Variants in CHRDL1 observed in about 807,000 individuals in gnomAD.
CHRDL1 encodes chordin-like protein 1.
In CHRDL1, 19 loss-of-function variants were observed where a neutral mutation model predicts 40.9. That is an observed-to-expected ratio of 0.46 (90% CI 0.32 to 0.68). CHRDL1 has a LOEUF of 0.68. Among genes scored for constraint, CHRDL1 ranks in the 30% least tolerant of loss-of-function variants. The pLI is 0.03. For synonymous variants in CHRDL1, 136 were observed against 123.4 expected, an observed-to-expected ratio of 1.10 and a Z score of -0.68; for missense variants, 329 against 352.1, an observed-to-expected ratio of 0.93 and a Z score of 0.53.
At position 110,714,981 on chromosome X, in the gene CHRDL1, T is replaced by C. The variant is rs112669069; in HGVS notation, c.541+4854A>G. 7.5e-3 allele frequency among the ~76,000 whole-genome samples: 836 copies of C among 111,755 alleles called. 3 individuals carry two copies. The highest frequency in any genetic ancestry group is 0.026 in the African/African-American group (804 of 30,743). ...CTTCAAAGGAGTTTCAACCACATTATATACAGCTGAAAGATGCAAAGAAAC... is the reference window on the plus strand; with the variant it reads ...CTTCAAAGGAGTTTCAACCACATTACATACAGCTGAAAGATGCAAAGAAAC... On this transcript the variant is annotated intron_variant, in intron 6 of 11. Coordinates refer to ENST00000372042, the MANE Select transcript of CHRDL1 (RefSeq NM_001143981.2).
At chrX:110,721,006 T>C in intron 5 of CHRDL1, among the ~76,000 whole-genome samples, 1 of 111,759 alleles carries the variant, frequency 8.9e-6, no homozygotes, top group East Asian at 2.8e-4. Flanking sequence ...TTGGAGTGAG[T>C]GGCCCTAGAT....
Position 110,705,316 on chromosome X carries a change from T to C in CHRDL1, c.542-4595A>G, listed in dbSNP as rs767564420. ...ATATATATATATATACACACACACATATATATATACACACATATATATACA... is the reference window on the plus strand; with the variant it reads ...ATATATATATATATACACACACACACATATATATACACACATATATATACA... On this transcript the variant is annotated intron_variant, in intron 6 of 11. Coordinates refer to ENST00000372042, the MANE Select transcript of CHRDL1 (RefSeq NM_001143981.2). Among the ~76,000 whole-genome samples the C allele has an allele frequency of 9.2e-3, 782 of 85,209 alleles. 8 individuals are homozygous for C. The highest frequency in any genetic ancestry group is 0.016 in the Middle Eastern group (3 of 184). 74.0% of individuals were successfully genotyped at this position (85,209 alleles called of 115,157 possible). A position where few individuals can be genotyped will look rare whatever the true frequency, so the allele number is the denominator to read the frequency against.
chrX:110,745,072 T>C (rs1037989997), intron 4 of CHRDL1, among the ~76,000 whole-genome samples: 1 of 110,936 alleles, frequency 9.0e-6, no homozygotes, highest in Non-Finnish European at 1.9e-5. Flanking sequence ...TTACATCAAG[T>C]GTGTGTAAAC....
At chrX:110,760,311 T>C (rs908479438) in intron 3 of CHRDL1, among the ~76,000 whole-genome samples, 2 of 112,372 alleles carry the variant, frequency 1.8e-5, no homozygotes, top group African/African-American at 6.5e-5. Context: ...GATTAGGTAG[T>C]ATGCCTGGGT....
At chrX:110,784,630 T>G (rs2089990124) in intron 2 of CHRDL1, among the ~76,000 whole-genome samples, 1 of 111,470 alleles carries the variant, frequency 9.0e-6, no homozygotes, top group Non-Finnish European at 1.9e-5. Flanking sequence ...GCCAGGCTGG[T>G]CTCCAACTCC....
At chrX:110,700,757 A>T in intron 6 of CHRDL1, 36 bp from the exon 7 acceptor site, 1 of 946,530 alleles carries the variant, frequency 1.1e-6, no homozygotes, top group Non-Finnish European at 1.5e-6. Flanking sequence ...AAAATCATAC[A>T]TTCATAAAAG....
intron 4 of CHRDL1, among the ~76,000 whole-genome samples, chrX:110,752,746 G>A (rs1387222371): frequency 1.8e-5 from 2 of 111,027 alleles, no homozygotes; most frequent in Non-Finnish European, 3.8e-5. Flanking sequence ...TACAGCTATT[G>A]TAGTCACCTT....
At chrX:110,771,317 T>G (rs2148518968) in intron 2 of CHRDL1, among the ~76,000 whole-genome samples, 1 of 111,676 alleles carries the variant, frequency 9.0e-6, no homozygotes, top group South Asian at 3.8e-4. Context: ...GAGGGAATAC[T>G]TCCCAACTGA....
intron 9 of CHRDL1, among the ~76,000 whole-genome samples, chrX:110,682,303 C>A (rs2069917666): frequency 8.9e-6 from 1 of 111,965 alleles, no homozygotes; most frequent in African/African-American, 3.2e-5. Flanking sequence ...TATGCTATGC[C>A]AAATGAATGG....
At chrX:110,795,434 G>A (rs2090165156) in intron 1 of CHRDL1, among the ~76,000 whole-genome samples, 1 of 111,784 alleles carries the variant, frequency 8.9e-6, no homozygotes, top group East Asian at 2.8e-4. Flanking sequence ...GAGTCCCTTG[G>A]GTAGCTCAGG....
At chrX:110,733,719 C>T (rs1403509553) in intron 4 of CHRDL1, among the ~76,000 whole-genome samples, 1 of 109,908 alleles carries the variant, frequency 9.1e-6, no homozygotes, top group African/African-American at 3.3e-5. Flanking sequence ...ACCAGCCTGG[C>T]CAACATGGTG....
At position 110,676,098 on chromosome X, in the gene CHRDL1, G is replaced by T; in HGVS notation, c.*133C>A. On this transcript the variant is annotated 3_prime_UTR_variant, in exon 12 of 12. Coordinates refer to ENST00000372042, the MANE Select transcript of CHRDL1 (RefSeq NM_001143981.2). The stretch of plus-strand genomic sequence containing the variant: ...TCCACACAAAGGAGCAAATTATGCT[G>T]TGCATGGCGTGAATAATTGACTGCA... The T allele has an allele frequency of 1.6e-6, 1 of 629,546 alleles. No individual in the cohort carries two copies. Among genetic ancestry groups the T allele is most frequent in the Non-Finnish European group, 2.4e-6 (1 of 410,288 alleles). The allele number at this position is 629,546 out of a possible 1,213,427, so 51.9% of individuals were successfully genotyped here.
At chrX:110,704,316 T>TAAA (rs2070578494) in intron 6 of CHRDL1, among the ~76,000 whole-genome samples, 1 of 111,490 alleles carries the variant, frequency 9.0e-6, no homozygotes, top group Admixed American at 9.6e-5. Flanking sequence ...CAGTAAAAAT[T>TAAA]CAAAAAAATA....
chrX:110,715,370 G>T (rs1158921340), intron 6 of CHRDL1, among the ~76,000 whole-genome samples: 8 of 110,606 alleles, frequency 7.2e-5, no homozygotes, highest in Admixed American at 6.7e-4. Flanking sequence ...TTAACTCGGG[G>T]GTAATAAATA....
chrX:110,731,895 T>C (rs1179809037), intron 4 of CHRDL1, among the ~76,000 whole-genome samples: 1 of 110,129 alleles, frequency 9.1e-6, no homozygotes, highest in African/African-American at 3.3e-5. Context: ...TGGTGATGGA[T>C]GCAACATCTT....
At chrX:110,720,564 A>T (rs2070931645) in intron 5 of CHRDL1, among the ~76,000 whole-genome samples, 1 of 111,918 alleles carries the variant, frequency 8.9e-6, no homozygotes, top group Non-Finnish European at 1.9e-5. Context: ...GGCTAGAATG[A>T]TTCCTGGAAG....
chrX:110,769,407 G>C (rs2089716403), intron 2 of CHRDL1, among the ~76,000 whole-genome samples: 1 of 112,265 alleles, frequency 8.9e-6, no homozygotes, highest in Non-Finnish European at 1.9e-5. Flanking sequence ...TGAACAAATA[G>C]TAAACAAAAT....
chrX:110,772,191 T>C (rs1312632492), intron 2 of CHRDL1, among the ~76,000 whole-genome samples: 1 of 112,492 alleles, frequency 8.9e-6, no homozygotes, highest in Non-Finnish European at 1.9e-5. Context: ...TTCTCTCCAA[T>C]ATGATTTATA....
In CHRDL1 at chrX:110,680,104, T is replaced by C. The variant is rs188997722; in HGVS notation, c.1157-679A>G. Reference sequence around the variant, plus strand: ...TACCAGCCCACTTAAATGGGCGAAGTAGATTAAGCCTCTTTTTCTGTGTCC... The same window carrying C: ...TACCAGCCCACTTAAATGGGCGAAGCAGATTAAGCCTCTTTTTCTGTGTCC... On this transcript the variant is annotated intron_variant, in intron 10 of 11. Transcript: ENST00000372042. 1.6e-4 allele frequency among the ~76,000 whole-genome samples: 18 copies of C among 111,766 alleles called. No individual in the cohort carries two copies. In the East Asian group the frequency reaches 5.1e-3, roughly 31 times the overall value.
Sources: allele counts gnomAD v4.1 joint callset (sites outside exome capture counted in the v4.1 genomes callset), GRCh38; gene constraint gnomAD v4.1.1; transcripts MANE v1.5; gene names NCBI Gene and HGNC (gene_info 2026-07-23, HGNC 2026-07-21).